The following PHACTR1 variants were observed in gnomAD, a reference collection of about 807,000 sequenced individuals.
PHACTR1 encodes the protein RPEL repeat containing 1.
PHACTR1 carries 16 observed loss-of-function variants against 69.2 expected under a neutral mutation model. The ratio of observed to expected loss-of-function variants is 0.23; its 90% CI spans 0.16 to 0.35. The LOEUF (loss-of-function observed/expected upper bound fraction) is 0.35. Ranked by LOEUF, PHACTR1 falls within the 10% of genes least tolerant of loss-of-function variation. The pLI is 1.00. For synonymous variants in PHACTR1, 312 were observed against 284.5 expected (o/e 1.10, Z -0.97); for missense variants, 510 against 734.7 (o/e 0.69, Z 3.54).
At chr6:13,273,103 T>C (rs1015202503) in intron 11 of PHACTR1, 188 bp downstream of exon 11, 1 of 735,402 alleles carries the variant, frequency 1.4e-6, no homozygotes, top group Non-Finnish European at 2.1e-6. Flanking sequence ...GCAAATTTTA[T>C]TCCACTTTAT....
intron 4 of PHACTR1, among the ~76,000 whole-genome samples, chr6:12,873,580 G>T (rs1214013788): frequency 2.6e-5 from 4 of 152,282 alleles, no homozygotes; most frequent in East Asian, 3.9e-4. Flanking sequence ...AGGTGTTCAT[G>T]TACAGGGATT....
At chr6:13,139,373 C>A (rs1377704129) in intron 5 of PHACTR1, among the ~76,000 whole-genome samples, 1 of 152,124 alleles carries the variant, frequency 6.6e-6, no homozygotes, top group Non-Finnish European at 1.5e-5. Context: ...ACCTGCAAAG[C>A]CTTAAGTATC....
chr6:13,142,094 A>G (rs1822573070), intron 5 of PHACTR1, among the ~76,000 whole-genome samples: 1 of 152,166 alleles, frequency 6.6e-6, no homozygotes, highest in Non-Finnish European at 1.5e-5. Context: ...TTACTTGGAC[A>G]TTAAGGTTGA....
At chr6:12,925,634 A>G (rs1041779282) in intron 4 of PHACTR1, among the ~76,000 whole-genome samples, 2 of 152,196 alleles carry the variant, frequency 1.3e-5, no homozygotes, top group Non-Finnish European at 2.9e-5. Context: ...TCTTATTTCA[A>G]AGGTCCTGGA....
chr6:13,255,258 A>G (rs1320846038), intron 10 of PHACTR1, among the ~76,000 whole-genome samples: 1 of 152,172 alleles, frequency 6.6e-6, no homozygotes, highest in Admixed American at 6.5e-5. Flanking sequence ...GGAGAACAAC[A>G]CCAAGGGGAA....
intron 4 of PHACTR1, among the ~76,000 whole-genome samples, chr6:13,006,717 C>A (rs577112162): frequency 6.6e-6 from 1 of 152,072 alleles, no homozygotes; most frequent in South Asian, 2.1e-4. Flanking sequence ...TAGGCTAGAT[C>A]GTGTTGCAGT....
chr6:12,751,428 A>C (rs1165797217), intron 4 of PHACTR1, among the ~76,000 whole-genome samples: 1 of 152,220 alleles, frequency 6.6e-6, no homozygotes, highest in East Asian at 1.9e-4. Flanking sequence ...AGTTTCTTTT[A>C]GGAGCAAGAT....
intron 5 of PHACTR1, 68 bp from the exon 6 acceptor site, chr6:13,160,136 T>C (rs1758773023): frequency 2.2e-6 from 3 of 1,367,850 alleles, no homozygotes; most frequent in South Asian, 2.3e-5. Flanking sequence ...TGTGTTAACA[T>C]AGGATCCTTT....
chr6:12,931,649 A>G (rs1788886013), intron 4 of PHACTR1, among the ~76,000 whole-genome samples: 1 of 151,978 alleles, frequency 6.6e-6, no homozygotes, highest in South Asian at 2.1e-4. Flanking sequence ...GCATCCGGGG[A>G]CTTTAATTAA....
intron 3 of PHACTR1, among the ~76,000 whole-genome samples, chr6:12,728,262 T>C (rs1471838401): frequency 1.3e-5 from 2 of 152,172 alleles, no homozygotes; most frequent in Non-Finnish European, 2.9e-5. Flanking sequence ...CAGGTTGTAG[T>C]GAGCTGTGAT....
intron 4 of PHACTR1, among the ~76,000 whole-genome samples, chr6:12,768,921 C>CAA (rs1008646512): frequency 1.3e-5 from 2 of 151,638 alleles, no homozygotes; most frequent in African/African-American, 4.9e-5. Context: ...GCAAGATGGG[C>CAA]AAACTCGGAG....
intron 4 of PHACTR1, among the ~76,000 whole-genome samples, chr6:12,866,005 A>G (rs1477115898): frequency 1.3e-5 from 2 of 152,124 alleles, no homozygotes; most frequent in East Asian, 3.9e-4. Context: ...CAGCTGAGGG[A>G]GCCTCAGAGT....
chr6:13,177,306 A>T (rs867367295), intron 6 of PHACTR1, among the ~76,000 whole-genome samples: 85 of 150,888 alleles, frequency 5.6e-4, no homozygotes, highest in African/African-American at 1.8e-3. Flanking sequence ...AGCCTGGGTG[A>T]TGGAGCAACA....
chr6:13,043,669 A>G (rs1310157372), intron 4 of PHACTR1, among the ~76,000 whole-genome samples: 9 of 152,238 alleles, frequency 5.9e-5, no homozygotes, highest in Non-Finnish European at 1.0e-4. Context: ...AGTACTTACT[A>G]TTTGGCTTAA....
chr6:12,972,747 G>A (rs138695790), intron 4 of PHACTR1, among the ~76,000 whole-genome samples: 285 of 151,652 alleles, frequency 1.9e-3, no homozygotes, highest in Non-Finnish European at 3.5e-3. Flanking sequence ...CACCTCCTGG[G>A]TTCAAGCGAT....
At chr6:13,228,190 T>C in intron 9 of PHACTR1, 127 bp downstream of exon 9, 1 of 1,235,400 alleles carries the variant, frequency 8.1e-7, no homozygotes, top group East Asian at 2.6e-5. Flanking sequence ...TGGTCCTGGG[T>C]CGTAGGGCAG....
intron 4 of PHACTR1, among the ~76,000 whole-genome samples, chr6:12,840,449 G>C (rs1367307956): frequency 6.6e-6 from 1 of 152,266 alleles, no homozygotes; most frequent in African/African-American, 2.4e-5. Context: ...AAAGAAGACT[G>C]TGTTCATGAG....
intron 4 of PHACTR1, among the ~76,000 whole-genome samples, chr6:12,948,980 A>C (rs1306917035): frequency 6.6e-6 from 1 of 152,204 alleles, no homozygotes; most frequent in African/African-American, 2.4e-5. Flanking sequence ...ACAAAGAAAT[A>C]GAAAAATGGG....
At chr6:12,912,387 AT>A (rs1223749141) in intron 4 of PHACTR1, among the ~76,000 whole-genome samples, 1 of 152,142 alleles carries the variant, frequency 6.6e-6, no homozygotes, top group South Asian at 2.1e-4. Context: ...TATGTTGGTA[AT>A]TTTTTCCATT....
Sources: allele counts gnomAD v4.1 joint callset (sites outside exome capture counted in the v4.1 genomes callset), GRCh38; gene constraint gnomAD v4.1.1; transcripts MANE v1.5; gene names NCBI Gene and HGNC (gene_info 2026-07-23, HGNC 2026-07-21).